Variants in AGAP1 observed in about 807,000 individuals in gnomAD.
AGAP1 encodes ArfGAP with GTPase domain, ankyrin repeat and PH domain 1, also known as arf-GAP with GTPase, ANK repeat and PH domain-containing protein 1.
A neutral mutation model predicts 105.3 loss-of-function variants in AGAP1; 29 were observed. That is an observed-to-expected ratio of 0.28 (90% CI 0.21 to 0.38). The LOEUF is 0.38. Among genes scored for constraint, AGAP1 ranks in the 10% least tolerant of loss-of-function variants. The probability of loss-of-function intolerance (pLI) is 1.00; values close to 1 mark genes in which losing one functional copy is unlikely to be tolerated. For missense variants in AGAP1, 998 were observed against 1,165.1 expected, an observed-to-expected ratio of 0.86 and a Z score of 2.09; for synonymous variants, 509 against 485.9, an observed-to-expected ratio of 1.05 and a Z score of -0.63.
At chr2:235,785,967 G>C (rs1050628848) in intron 6 of AGAP1, among the ~76,000 whole-genome samples, 11 of 152,166 alleles carry the variant, frequency 7.2e-5, no homozygotes, top group African/African-American at 2.7e-4. Flanking sequence ...GAAGAGTGTT[G>C]AGGAGCCTCA....
In AGAP1 at chr2:236,101,138, C is replaced by G. The variant is rs533700589; in HGVS notation, c.2115-19054C>G. Among the ~76,000 whole-genome samples the G allele has an allele frequency of 6.6e-6, 1 of 152,102 alleles. No homozygotes were observed. Among genetic ancestry groups the G allele is most frequent in the African/African-American group, 2.4e-5 (1 of 41,484 alleles). On this transcript the variant is annotated intron_variant, in intron 16 of 17. Transcript: ENST00000304032. This position sits in a 1 kb window ranked among gnomAD's most constrained non-coding sequence, Gnocchi z 4.9. ...TCCAAATTGATTTTCAATGTGTTTC[C>G]CTTTGGTTATTCCCCACTCCCATGC... is the stretch of plus-strand genomic sequence containing the variant.
rs1218676419 is a variant in AGAP1, at chr2:235,965,191, G to A, written c.1484-3271G>A. On this transcript the variant is annotated intron_variant, in intron 12 of 17. Coordinates refer to ENST00000304032, the MANE Select transcript of AGAP1 (RefSeq NM_001037131.3). The surrounding 1 kb of genome is among the most constrained non-coding windows in gnomAD (Gnocchi z 5.8). ...AAGGTGATAGCAGAGAAAGCTGCCC[G>A]GAATGCAAAGGTCAGAGTGAGTGCT... Among the ~76,000 whole-genome samples, 14 of 152,224 alleles carry A rather than the reference G, an allele frequency of 9.2e-5. No individual in the cohort carries two copies. Among genetic ancestry groups the A allele is most frequent in the Admixed American group, 4.6e-4 (7 of 15,284 alleles).
intron 9 of AGAP1, chr2:235,852,548 G>A (rs1257887087): frequency 3.8e-5 from 30 of 782,214 alleles, no homozygotes; most frequent in South Asian, 4.6e-5. Flanking sequence ...AAAGTTAGCC[G>A]TCAGTCAAGT....
chr2:235,949,990 G>A (rs1348225471), intron 12 of AGAP1, among the ~76,000 whole-genome samples: 1 of 152,210 alleles, frequency 6.6e-6, no homozygotes, highest in African/African-American at 2.4e-5. Context: ...CCAGCGCTGG[G>A]AAGTCTGGGA....
chr2:235,995,525 CAAAA>C (rs987490845), intron 13 of AGAP1, among the ~76,000 whole-genome samples: 3 of 152,060 alleles, frequency 2.0e-5, no homozygotes, highest in African/African-American at 7.2e-5. Flanking sequence ...AAAAAACAAA[CAAAA>C]GAAAGAAAAA....
chr2:235,632,627 T>C (rs577936100), intron 1 of AGAP1, among the ~76,000 whole-genome samples: 16 of 152,288 alleles, frequency 1.1e-4, no homozygotes, highest in African/African-American at 3.6e-4. Context: ...ATTGGGAAAC[T>C]TTGATTGCTT....
chr2:235,758,142 G>T (rs757663327), intron 6 of AGAP1, among the ~76,000 whole-genome samples: 1 of 150,366 alleles, frequency 6.7e-6, no homozygotes, highest in Non-Finnish European at 1.5e-5. Flanking sequence ...GTGTGCATGC[G>T]TGCATGTGTG....
chr2:236,031,743 A>G (rs1433624863), intron 13 of AGAP1, among the ~76,000 whole-genome samples: 1 of 151,754 alleles, frequency 6.6e-6, no homozygotes, highest in Non-Finnish European at 1.5e-5. Flanking sequence ...TCCTGGGTTG[A>G]CTCCAGGGCA....
chr2:236,065,481 T>C (rs2058321550), intron 16 of AGAP1, among the ~76,000 whole-genome samples: 1 of 152,178 alleles, frequency 6.6e-6, no homozygotes, highest in South Asian at 2.1e-4. Flanking sequence ...CCTAGAAACC[T>C]TTTCTGACAT....
At chr2:235,975,072 T>A (rs78891647) in intron 13 of AGAP1, among the ~76,000 whole-genome samples, 3,176 of 152,348 alleles carry the variant, frequency 0.021, 122 homozygotes, top group African/African-American at 0.073. Flanking sequence ...TTGTGCAGAT[T>A]TAGCACATAA....
chr2:235,788,410 A>G lies in AGAP1; in HGVS notation c.674-9349A>G, dbSNP rs1446839089. Among the ~76,000 whole-genome samples the G allele has an allele frequency of 6.6e-6, 1 of 151,982 alleles. No individual in the cohort carries two copies. Among genetic ancestry groups the G allele is most frequent in the Non-Finnish European group, 1.5e-5 (1 of 67,976 alleles). On this transcript the variant is annotated intron_variant, in intron 6 of 17. Coordinates refer to ENST00000304032, the MANE Select transcript of AGAP1 (RefSeq NM_001037131.3). This position sits in a 1 kb window ranked among gnomAD's most constrained non-coding sequence, Gnocchi z 6.0. ...CAGGATGGTGTGGTGCGGATCTTGG[A>G]TGAGGTTAGCTGAGTTTGAAAACTG...
chr2:235,816,768 G>A (rs2106255827), intron 9 of AGAP1, among the ~76,000 whole-genome samples: 1 of 152,064 alleles, frequency 6.6e-6, no homozygotes, highest in East Asian at 1.9e-4. Context: ...GTGTGCACCT[G>A]TAATCCCACC....
Position 235,566,722 on chromosome 2 carries a change from T to C in AGAP1, c.163+71873T>C. On this transcript the variant is annotated intron_variant, in intron 1 of 17. Transcript: ENST00000304032. This position sits in a 1 kb window ranked among gnomAD's most constrained non-coding sequence, Gnocchi z 5.2. Reference sequence around the variant, plus strand: ...GATGCATATTCAGGCAGGAAGTTGTTGGGGTTAACATGAGTGGACCCTAGA... The same window carrying C: ...GATGCATATTCAGGCAGGAAGTTGTCGGGGTTAACATGAGTGGACCCTAGA... 1.6e-6 allele frequency: 1 copy of C among 616,642 alleles called. No individual in the cohort carries two copies. Among genetic ancestry groups the C allele is most frequent in the Non-Finnish European group, 2.0e-6 (1 of 492,948 alleles). 38.2% of individuals were successfully genotyped at this position (616,642 alleles called of 1,614,324 possible). A position where few individuals can be genotyped will look rare whatever the true frequency, so the allele number is the denominator to read the frequency against.
At chr2:235,619,152 T>G (rs1946396294) in intron 1 of AGAP1, among the ~76,000 whole-genome samples, 1 of 152,142 alleles carries the variant, frequency 6.6e-6, no homozygotes, top group African/African-American at 2.4e-5. Context: ...AGACCTTGGA[T>G]GTAAGGTAAG....
intron 1 of AGAP1, among the ~76,000 whole-genome samples, chr2:235,530,489 G>T (rs1943004781): frequency 6.6e-6 from 1 of 152,102 alleles, no homozygotes; most frequent in African/African-American, 2.4e-5. Flanking sequence ...CAAGGTGTTG[G>T]CAGGGCCGCG....
chr2:235,628,923 T>C (rs1490314516), intron 1 of AGAP1, among the ~76,000 whole-genome samples: 4 of 152,190 alleles, frequency 2.6e-5, no homozygotes, highest in South Asian at 2.1e-4. Context: ...GCAATTCTCC[T>C]GCCTTAGCCT....
intron 1 of AGAP1, among the ~76,000 whole-genome samples, chr2:235,683,432 C>T (rs948556732): frequency 6.6e-6 from 1 of 151,400 alleles, no homozygotes; most frequent in Admixed American, 6.6e-5. Context: ...GATATAATGC[C>T]ATCTACATTT....
rs1269755137 is a variant in AGAP1 at position 235,732,628 on chromosome 2, T to C, written c.311-8335T>C. Among the ~76,000 whole-genome samples, 1 of 152,180 alleles carries C rather than the reference T, an allele frequency of 6.6e-6. No homozygotes were observed. The highest frequency in any genetic ancestry group is 1.5e-5 in the Non-Finnish European group (1 of 68,032). ...TCTCCCGCCTTCCCATTTTCCCTGC[T>C]GGGGAGCCTTTGCATAATGTCCCCA... On this transcript the variant is annotated intron_variant, in intron 3 of 17. Transcript: ENST00000304032. This position sits in a 1 kb window ranked among gnomAD's most constrained non-coding sequence, Gnocchi z 4.8.
intron 6 of AGAP1, among the ~76,000 whole-genome samples, chr2:235,763,140 A>C (rs938468739): frequency 3.3e-5 from 5 of 152,086 alleles, no homozygotes; most frequent in African/African-American, 1.2e-4. Flanking sequence ...ATACTCTTTC[A>C]CATACACGTG....
Sources: allele counts gnomAD v4.1 joint callset (sites outside exome capture counted in the v4.1 genomes callset), GRCh38; gene constraint gnomAD v4.1.1; non-coding constraint Gnocchi (gnomAD v3.1); transcripts MANE v1.5; gene names NCBI Gene and HGNC (gene_info 2026-07-23, HGNC 2026-07-21).